The following TENM2 variants were observed in gnomAD, a reference collection of about 807,000 sequenced individuals.
The protein encoded by TENM2 is teneurin transmembrane protein 2, also known as teneurin-2.
In TENM2, 52 loss-of-function variants were observed where a neutral mutation model predicts 245.2. The observed-to-expected ratio is 0.21, with a 90% confidence interval of 0.17 to 0.27. The LOEUF is 0.27. Among genes scored for constraint, TENM2 ranks in the 10% least tolerant of loss-of-function variants. The probability of loss-of-function intolerance (pLI) is 1.00; values close to 1 mark genes in which losing one functional copy is unlikely to be tolerated. For synonymous variants in TENM2, 1,363 were observed against 1,438.9 expected (o/e 0.95, Z 1.19); for missense variants, 3,046 against 3,666.8 (o/e 0.83, Z 4.37).
At chr5:168,078,513 G>C (rs1791682962) in intron 7 of TENM2, among the ~76,000 whole-genome samples, 1 of 152,128 alleles carries the variant, frequency 6.6e-6, no homozygotes, top group Non-Finnish European at 1.5e-5. Flanking sequence ...CCATGCCTAT[G>C]GCCTGAATGG....
chr5:167,846,748 G>T (rs1409086389), intron 2 of TENM2, among the ~76,000 whole-genome samples: 1 of 152,144 alleles, frequency 6.6e-6, no homozygotes, highest in African/African-American at 2.4e-5. Context: ...GAACAAGAAA[G>T]CCTCTTTGGA....
intron 3 of TENM2, among the ~76,000 whole-genome samples, chr5:167,903,964 T>G (rs532011066): frequency 6.6e-6 from 1 of 152,110 alleles, no homozygotes; most frequent in Admixed American, 6.5e-5. Context: ...GATTGCAGAG[T>G]GGCAAGAATT....
At chr5:167,079,353 G>T in the TENM2 span, among the ~76,000 whole-genome samples, 8 of 148,928 alleles carry the variant, frequency 5.4e-5, no homozygotes, top group Non-Finnish European at 1.2e-4. Flanking sequence ...TGCTCTTGTT[G>T]CCCAGGCTGG....
chr5:167,429,538 A>C (rs1024724889), intron 2 of TENM2, among the ~76,000 whole-genome samples: 1 of 151,688 alleles, frequency 6.6e-6, no homozygotes, highest in African/African-American at 2.4e-5. Context: ...AAAATAAAAT[A>C]TAACTTGTGG....
chr5:168,115,415 GA>G (rs57060199), intron 9 of TENM2, among the ~76,000 whole-genome samples: 18,051 of 77,818 alleles, frequency 0.23, 2,445 homozygotes, highest in Middle Eastern at 0.32. Context: ...GAAGGGAAAG[GA>G]AAGGAAGGAA....
chr5:167,513,893 T>C (rs541120469), intron 2 of TENM2, among the ~76,000 whole-genome samples: 1 of 152,262 alleles, frequency 6.6e-6, no homozygotes, highest in East Asian at 1.9e-4. Flanking sequence ...TTCTCCTGGG[T>C]CTCACCGTGG....
chr5:168,169,307 C>T (rs1432214822), intron 13 of TENM2, among the ~76,000 whole-genome samples: 1 of 152,220 alleles, frequency 6.6e-6, no homozygotes, highest in Non-Finnish European at 1.5e-5. Flanking sequence ...TGAAGCACTC[C>T]ACTCTGGCTT....
chr5:167,338,305 A>G (rs1030604460), intron 1 of TENM2, among the ~76,000 whole-genome samples: 6 of 152,302 alleles, frequency 3.9e-5, no homozygotes, highest in African/African-American at 1.4e-4. Flanking sequence ...AGATGGCTTT[A>G]TCAACCCTAA....
intron 2 of TENM2, among the ~76,000 whole-genome samples, chr5:167,842,800 T>G (rs1225223671): frequency 6.6e-6 from 1 of 152,048 alleles, no homozygotes; most frequent in Non-Finnish European, 1.5e-5. Flanking sequence ...TGTCTAACCC[T>G]TAGCTCTAAT....
chr5:167,489,053 C>T (rs1768265929), intron 2 of TENM2, among the ~76,000 whole-genome samples: 1 of 152,132 alleles, frequency 6.6e-6, no homozygotes, highest in Non-Finnish European at 1.5e-5. Context: ...TAACTCTGGT[C>T]GAAGCCACCA....
intron 2 of TENM2, among the ~76,000 whole-genome samples, chr5:167,640,894 T>G (rs1285935898): frequency 9.2e-6 from 1 of 108,406 alleles, no homozygotes; most frequent in Non-Finnish European, 1.9e-5. Flanking sequence ...TATATATATA[T>G]ATATATATAT....
intron 5 of TENM2, among the ~76,000 whole-genome samples, chr5:168,036,683 ATATATATATATATATATG>A (rs1787715424): frequency 8.8e-6 from 1 of 114,100 alleles, no homozygotes; most frequent in African/African-American, 4.6e-5. Flanking sequence ...ATGTGTATAT[ATATATATATATATATATG>A]TATGTGTATA....
the TENM2 span, among the ~76,000 whole-genome samples, chr5:167,092,370 A>G: frequency 6.6e-6 from 1 of 152,114 alleles, no homozygotes; most frequent in South Asian, 2.1e-4. Flanking sequence ...CTACAATATC[A>G]CTTTAATTAT....
chr5:167,144,476 G>T, the TENM2 span, among the ~76,000 whole-genome samples: 4 of 152,156 alleles, frequency 2.6e-5, no homozygotes, highest in Non-Finnish European at 5.9e-5. Flanking sequence ...CCCAGAGAGG[G>T]TTAAATAAAT....
At chr5:167,358,169 G>A (rs948733932) in intron 1 of TENM2, among the ~76,000 whole-genome samples, 1 of 152,098 alleles carries the variant, frequency 6.6e-6, no homozygotes. Context: ...ACTACAATTT[G>A]CAGCCAATCT....
rs560338524 is a variant in TENM2, at chr5:167,771,422, C to G, written c.503-104564C>G. On this transcript the variant is annotated intron_variant, in intron 2 of 28. Transcript: ENST00000518659. Reference sequence around the variant, plus strand: ...AGTAGGTGCTAGCAACAAAGCTACCCCAGTATCTTAGAGAACAAGTCAAGT... The same window carrying G: ...AGTAGGTGCTAGCAACAAAGCTACCGCAGTATCTTAGAGAACAAGTCAAGT... 1.5e-4 allele frequency among the ~76,000 whole-genome samples: 23 copies of G among 152,124 alleles called. No homozygotes were observed. The South Asian group carries it at 4.8e-3, about 32-fold the overall frequency.
chr5:167,330,367 A>G (rs939138007), intron 1 of TENM2, among the ~76,000 whole-genome samples: 1 of 152,152 alleles, frequency 6.6e-6, no homozygotes, highest in African/African-American at 2.4e-5. Context: ...ACGCTTAGTT[A>G]TTGGTGAAGT....
chr5:167,530,664 C>T (rs768407781), intron 2 of TENM2, among the ~76,000 whole-genome samples: 27 of 152,196 alleles, frequency 1.8e-4, no homozygotes, highest in Non-Finnish European at 3.7e-4. Flanking sequence ...GGCCCCTGCT[C>T]AAGAGTCCCA....
the TENM2 span, among the ~76,000 whole-genome samples, chr5:167,122,875 A>G: frequency 6.6e-6 from 1 of 152,176 alleles, no homozygotes; most frequent in Non-Finnish European, 1.5e-5. Context: ...CTGTACCTGT[A>G]ATGTTTCTCA....
Sources: allele counts gnomAD v4.1 joint callset (sites outside exome capture counted in the v4.1 genomes callset), GRCh38; gene constraint gnomAD v4.1.1; transcripts MANE v1.5; gene names NCBI Gene and HGNC (gene_info 2026-07-23, HGNC 2026-07-21).